SDCCAG8: variants seen among roughly 807,000 people sequenced by gnomAD.
SDCCAG8 encodes the protein SHH signaling and ciliogenesis regulator SDCCAG8.
Under a neutral mutation model 101.8 loss-of-function variants are expected in SDCCAG8, and 74 were observed. That is an observed-to-expected ratio of 0.73 (90% CI 0.60 to 0.88). The LOEUF is 0.88. SDCCAG8 is among the 40% of genes least tolerant of loss of function. SDCCAG8 has a pLI of 0.00. For missense variants in SDCCAG8, 787 were observed against 822.6 expected (o/e 0.96, Z 0.53); for synonymous variants, 281 against 292.9 (o/e 0.96, Z 0.41).
intron 13 of SDCCAG8, among the ~76,000 whole-genome samples, chr1:243,390,519 G>A (rs769671140): frequency 1.2e-4 from 18 of 152,194 alleles, no homozygotes; most frequent in African/African-American, 3.1e-4. Flanking sequence ...GGAGAGGTTC[G>A]AAAGTCAGGC....
At chr1:243,414,406 G>A (rs1342147075) in intron 13 of SDCCAG8, among the ~76,000 whole-genome samples, 1 of 152,090 alleles carries the variant, frequency 6.6e-6, no homozygotes, top group Non-Finnish European at 1.5e-5. Context: ...CGAGTGCGAC[G>A]CAAGACCTTG....
At chr1:243,415,333 C>T (rs1212913401) in intron 13 of SDCCAG8, among the ~76,000 whole-genome samples, 1 of 151,980 alleles carries the variant, frequency 6.6e-6, no homozygotes, top group Non-Finnish European at 1.5e-5. Flanking sequence ...AAGTTTTGTT[C>T]CTAGAGTTCC....
chr1:243,407,085 C>T (rs924337113), intron 13 of SDCCAG8, among the ~76,000 whole-genome samples: 1 of 152,140 alleles, frequency 6.6e-6, no homozygotes, highest in African/African-American at 2.4e-5. Context: ...AGACAATAGA[C>T]TCTCTGAGGC....
chr1:243,297,569 G>A (rs2071055729), intron 6 of SDCCAG8, among the ~76,000 whole-genome samples: 1 of 151,960 alleles, frequency 6.6e-6, no homozygotes, highest in Admixed American at 6.5e-5. Context: ...ACTCCTACCA[G>A]TAGTACATGA....
At chr1:243,441,361 C>G (rs574021471) in intron 16 of SDCCAG8, among the ~76,000 whole-genome samples, 1 of 152,214 alleles carries the variant, frequency 6.6e-6, no homozygotes, top group East Asian at 1.9e-4. Flanking sequence ...GCCCATGGTA[C>G]TTCTCTGCTA....
chr1:243,294,703 C>CT (rs1553298393), intron 6 of SDCCAG8, among the ~76,000 whole-genome samples: 11 of 91,756 alleles, frequency 1.2e-4, no homozygotes, highest in African/African-American at 4.7e-4. Context: ...AATTCCCCCC[C>CT]CCCCCCACAG....
intron 1 of SDCCAG8, among the ~76,000 whole-genome samples, chr1:243,259,575 T>G (rs1282368440): frequency 1.3e-5 from 2 of 152,072 alleles, no homozygotes; most frequent in African/African-American, 2.4e-5. Context: ...ATCCCAGCAC[T>G]TTGGGAGGCC....
intron 1 of SDCCAG8, among the ~76,000 whole-genome samples, chr1:243,258,766 A>T (rs1419420508): frequency 6.6e-6 from 1 of 152,218 alleles, no homozygotes; most frequent in Non-Finnish European, 1.5e-5. Context: ...TTATGTGGAA[A>T]TTCCTTATTT....
chr1:243,472,692 G>T (rs150959773), intron 16 of SDCCAG8, among the ~76,000 whole-genome samples: 1 of 152,174 alleles, frequency 6.6e-6, no homozygotes, highest in African/African-American at 2.4e-5. Flanking sequence ...CAATGCAAAG[G>T]CTTCCTCAAA....
At chr1:243,389,726 A>G (rs1054783578) in intron 13 of SDCCAG8, among the ~76,000 whole-genome samples, 1 of 152,198 alleles carries the variant, frequency 6.6e-6, no homozygotes, top group African/African-American at 2.4e-5. Flanking sequence ...GCTTCCAGCA[A>G]GCCTAAGAAA....
chr1:243,329,261 G>C (rs976569297), intron 9 of SDCCAG8, among the ~76,000 whole-genome samples: 2 of 152,022 alleles, frequency 1.3e-5, no homozygotes, highest in African/African-American at 4.8e-5. Flanking sequence ...TTGTTTATTA[G>C]TTAATCTGAG....
chr1:243,327,761 TGAGA>T (rs1482257729), intron 9 of SDCCAG8, among the ~76,000 whole-genome samples: 2 of 152,192 alleles, frequency 1.3e-5, no homozygotes, highest in African/African-American at 4.8e-5. Flanking sequence ...CGGTCCAGTG[TGAGA>T]GAGTTATCTT....
At chr1:243,431,893 A>G (rs1206810083) in intron 16 of SDCCAG8, among the ~76,000 whole-genome samples, 1 of 152,166 alleles carries the variant, frequency 6.6e-6, no homozygotes. Flanking sequence ...GTATGGTAAT[A>G]TATTGTTTAA....
At chr1:243,425,642 A>C (rs371593741) in intron 15 of SDCCAG8, among the ~76,000 whole-genome samples, 16 of 152,280 alleles carry the variant, frequency 1.1e-4, no homozygotes, top group African/African-American at 3.8e-4. Flanking sequence ...GCATGAGGAG[A>C]TGGTGGCAGT....
intron 16 of SDCCAG8, among the ~76,000 whole-genome samples, chr1:243,447,420 G>A (rs1017525662): frequency 6.6e-6 from 1 of 152,012 alleles, no homozygotes; most frequent in African/African-American, 2.4e-5. Context: ...TATTTTGGGG[G>A]AGGAAGGGGA....
intron 15 of SDCCAG8, among the ~76,000 whole-genome samples, chr1:243,421,600 AC>A (rs1463674453): frequency 6.6e-6 from 1 of 151,972 alleles, no homozygotes; most frequent in Non-Finnish European, 1.5e-5. Context: ...GGTGTCTGTA[AC>A]CCCGGGGTTT....
chr1:243,423,504 C>T (rs532059219), intron 15 of SDCCAG8, among the ~76,000 whole-genome samples: 17 of 152,120 alleles, frequency 1.1e-4, no homozygotes, highest in Admixed American at 2.6e-4. Context: ...AAATGATTTG[C>T]GTGTATAAGA....
chr1:243,288,332 A>C (rs557187582), intron 5 of SDCCAG8, among the ~76,000 whole-genome samples: 4 of 152,052 alleles, frequency 2.6e-5, no homozygotes, highest in Non-Finnish European at 5.9e-5. Context: ...AAATTAGCCG[A>C]GCATGCTGAT....
chr1:243,311,759 T>C (rs2072749500), intron 8 of SDCCAG8, among the ~76,000 whole-genome samples: 1 of 137,450 alleles, frequency 7.3e-6, no homozygotes, highest in African/African-American at 2.7e-5. Context: ...TACAAAAAAT[T>C]TAAAAATTAA....
Sources: allele counts gnomAD v4.1 joint callset (sites outside exome capture counted in the v4.1 genomes callset), GRCh38; gene constraint gnomAD v4.1.1; transcripts MANE v1.5; gene names NCBI Gene and HGNC (gene_info 2026-07-23, HGNC 2026-07-21).